Variants in FAF1 observed in about 807,000 individuals in gnomAD.
FAF1 encodes the protein FAS-associated factor 1.
In FAF1, 25 loss-of-function variants were observed where a neutral mutation model predicts 92.5. The ratio of observed to expected loss-of-function variants is 0.27; its 90% CI spans 0.20 to 0.38. FAF1 has a LOEUF of 0.38. FAF1 is among the 10% of genes least tolerant of loss of function. The pLI, the probability that FAF1 is intolerant of heterozygous loss-of-function variation, is 1.00. For missense variants in FAF1, 636 were observed against 793.3 expected (o/e 0.80, Z 2.38); for synonymous variants, 234 against 273.2 (o/e 0.86, Z 1.42).
intron 2 of FAF1, among the ~76,000 whole-genome samples, chr1:50,804,600 A>G (rs1228508333): frequency 6.6e-6 from 1 of 152,208 alleles, no homozygotes; most frequent in African/African-American, 2.4e-5. Context: ...AACAATAACT[A>G]AATTATAAAA....
chr1:50,495,509 A>G (rs1284817501), intron 15 of FAF1, among the ~76,000 whole-genome samples: 3 of 152,144 alleles, frequency 2.0e-5, no homozygotes, highest in Admixed American at 6.5e-5. Flanking sequence ...CCATTTGCCT[A>G]TTGATGGACA....
chr1:50,628,449 T>C (rs890542675), intron 8 of FAF1, among the ~76,000 whole-genome samples: 4 of 152,190 alleles, frequency 2.6e-5, no homozygotes, highest in African/African-American at 7.2e-5. Context: ...CTCTGCGGCC[T>C]TGGACAAATT....
chr1:50,944,160 T>C (rs889293093), intron 1 of FAF1, among the ~76,000 whole-genome samples: 10 of 152,216 alleles, frequency 6.6e-5, no homozygotes, highest in Admixed American at 5.9e-4. Context: ...GGAAGGTACA[T>C]GACCTGGAGC....
At chr1:50,866,592 A>T (rs1484886542) in intron 1 of FAF1, among the ~76,000 whole-genome samples, 2 of 152,194 alleles carry the variant, frequency 1.3e-5, no homozygotes, top group South Asian at 2.1e-4. Context: ...CCTTTAAAAT[A>T]GCTGCAAAAC....
intron 18 of FAF1, chr1:50,471,283 C>T (rs1572765780): frequency 6.6e-6 from 1 of 152,332 alleles, no homozygotes; most frequent in African/African-American, 2.4e-5. Context: ...TGTTTTTCTT[C>T]ACTGTGTTTG....
chr1:50,698,905 T>C (rs1165757174), intron 7 of FAF1, among the ~76,000 whole-genome samples: 1 of 152,128 alleles, frequency 6.6e-6, no homozygotes, highest in African/African-American at 2.4e-5. Context: ...TCTAAAAATG[T>C]AATTAAAACT....
At chr1:50,842,008 A>T (rs1015751760) in intron 2 of FAF1, among the ~76,000 whole-genome samples, 8 of 152,046 alleles carry the variant, frequency 5.3e-5, no homozygotes, top group African/African-American at 1.9e-4. Flanking sequence ...ACTCTGTTAC[A>T]CTTCCTGACT....
intron 15 of FAF1, among the ~76,000 whole-genome samples, chr1:50,529,621 A>G (rs1474377230): frequency 1.3e-5 from 2 of 152,210 alleles, no homozygotes; most frequent in Non-Finnish European, 2.9e-5. Flanking sequence ...CCCAGCATGT[A>G]GCAGGAAGCT....
At chr1:50,442,328 C>T (rs1406208803) in intron 18 of FAF1, among the ~76,000 whole-genome samples, 2 of 152,136 alleles carry the variant, frequency 1.3e-5, no homozygotes, top group East Asian at 1.9e-4. Flanking sequence ...TTAGTGGAAA[C>T]GACACAGGCT....
At chr1:50,680,430 C>T (rs993825003) in intron 7 of FAF1, among the ~76,000 whole-genome samples, 1 of 152,012 alleles carries the variant, frequency 6.6e-6, no homozygotes, top group African/African-American at 2.4e-5. Flanking sequence ...CGCCTGTAAT[C>T]CCAGAACTTT....
chr1:50,827,390 T>C (rs551736130), intron 2 of FAF1, among the ~76,000 whole-genome samples: 195 of 152,216 alleles, frequency 1.3e-3, no homozygotes, highest in Non-Finnish European at 2.0e-3. Context: ...GGATTAAGGG[T>C]GGTGCAAGAT....
intron 13 of FAF1, among the ~76,000 whole-genome samples, chr1:50,564,065 A>G (rs1650056798): frequency 6.6e-6 from 1 of 152,210 alleles, no homozygotes; most frequent in African/African-American, 2.4e-5. Flanking sequence ...TTAGTTTAAT[A>G]TCCTTCACTT....
chr1:50,749,802 A>C (rs899019972), intron 4 of FAF1, among the ~76,000 whole-genome samples: 1 of 152,104 alleles, frequency 6.6e-6, no homozygotes, highest in Non-Finnish European at 1.5e-5. Flanking sequence ...GAAAAAAAAA[A>C]AAACACGATT....
chr1:50,710,503 T>C (rs936029653), intron 6 of FAF1, among the ~76,000 whole-genome samples: 9 of 152,220 alleles, frequency 5.9e-5, no homozygotes, highest in African/African-American at 2.2e-4. Context: ...ATTGAGTGTC[T>C]AACATGTAAA....
intron 13 of FAF1, among the ~76,000 whole-genome samples, chr1:50,543,548 CTTGG>C (rs1266229340): frequency 6.6e-6 from 1 of 152,170 alleles, no homozygotes; most frequent in Non-Finnish European, 1.5e-5. Context: ...ACAGAAAACA[CTTGG>C]ACTTGTGCCT....
At chr1:50,861,630 A>G (rs1322164658) in intron 1 of FAF1, among the ~76,000 whole-genome samples, 1 of 151,862 alleles carries the variant, frequency 6.6e-6, no homozygotes, top group Non-Finnish European at 1.5e-5. Flanking sequence ...TAGGTACACT[A>G]AAAGCCCAAA....
Position 50,604,705 on chromosome 1 carries a change from CCTT to C in FAF1, c.745-8492_745-8490del, listed in dbSNP as rs568876475. Among the ~76,000 whole-genome samples, 36 of 152,066 alleles carry C rather than the reference CCTT, an allele frequency of 2.4e-4. 1 individual carries two copies. Among genetic ancestry groups the C allele is most frequent in the African/African-American group, 8.2e-4 (34 of 41,508 alleles). The stretch of plus-strand genomic sequence containing the variant: ...TAATTTTTTGTAGAAATGAGGGTCT[CCTT>C]ATTTTTTGTAGAGATGGAGTCTCAT... On this transcript the variant is annotated intron_variant, in intron 8 of 18. Coordinates refer to ENST00000396153, the MANE Select transcript of FAF1 (RefSeq NM_007051.3).
rs11205725 is a variant in FAF1, at chr1:50,460,064, C to T, written c.1869+15400G>A. Among the ~76,000 whole-genome samples, 318 of 152,320 alleles carry T rather than the reference C, an allele frequency of 2.1e-3. 2 individuals carry two copies. The highest frequency in any genetic ancestry group is 7.2e-3 in the African/African-American group (301 of 41,568). ...TAGTTCTTCATAGAAGTATTCACTA[C>T]CATGTCCCAAATGTATTGTGCATAA... On this transcript the variant is annotated intron_variant, in intron 18 of 18. Transcript: ENST00000396153.
At chr1:50,900,195 A>T (rs1644785538) in intron 1 of FAF1, among the ~76,000 whole-genome samples, 2 of 152,220 alleles carry the variant, frequency 1.3e-5, no homozygotes, top group African/African-American at 4.8e-5. Context: ...TAGCATATTA[A>T]AGCCTACCTA....
Sources: gnomAD v4.1 joint callset for allele counts (sites outside exome capture counted in the v4.1 genomes callset) on GRCh38, gnomAD v4.1.1 for gene constraint, MANE v1.5 for transcripts, NCBI Gene and HGNC (gene_info 2026-07-23, HGNC 2026-07-21) for gene names.